MYLK: variants seen among roughly 807,000 people sequenced by gnomAD.
MYLK encodes myosin light chain kinase, smooth muscle.
In MYLK, 106 loss-of-function variants were observed where a neutral mutation model predicts 203.4. The ratio of observed to expected loss-of-function variants is 0.52; its 90% CI spans 0.45 to 0.61. The LOEUF (loss-of-function observed/expected upper bound fraction) is 0.61, where lower values mean the gene tolerates loss of function less well. Among genes scored for constraint, MYLK ranks in the 20% least tolerant of loss-of-function variants. The pLI is 0.00. For synonymous variants in MYLK, 867 were observed against 959.5 expected, an observed-to-expected ratio of 0.90 and a Z score of 1.78; for missense variants, 2,072 against 2,442.3, an observed-to-expected ratio of 0.85 and a Z score of 3.20.
intron 28 of MYLK, among the ~76,000 whole-genome samples, chr3:123,639,240 A>T (rs1264804459): frequency 6.6e-6 from 1 of 152,230 alleles, no homozygotes; most frequent in Non-Finnish European, 1.5e-5. Flanking sequence ...AGCAGAGCAG[A>T]GCAGGCACAT....
intron 33 of MYLK, among the ~76,000 whole-genome samples, chr3:123,614,669 C>T (rs2057369244): frequency 1.3e-5 from 2 of 152,280 alleles, no homozygotes; most frequent in African/African-American, 4.8e-5. Flanking sequence ...CACTCTGTTG[C>T]CTAGGCTGGA....
At chr3:123,739,846 G>C (rs55956729) in intron 6 of MYLK, 107 bp downstream of exon 6, 1 of 1,225,026 alleles carries the variant, frequency 8.2e-7, no homozygotes. Context: ...CCCGCCCTTT[G>C]GTTATTATAA....
At chr3:123,830,366 G>A (rs372734256) in intron 3 of MYLK, among the ~76,000 whole-genome samples, 3 of 152,184 alleles carry the variant, frequency 2.0e-5, no homozygotes, top group Non-Finnish European at 4.4e-5. Flanking sequence ...AGCCATATTA[G>A]AGTCCAACCT....
chr3:123,705,968 G>A (rs1263624239), intron 16 of MYLK, among the ~76,000 whole-genome samples: 3 of 152,142 alleles, frequency 2.0e-5, no homozygotes, highest in Non-Finnish European at 4.4e-5. Flanking sequence ...GGGGGTAAGC[G>A]TGTACCTTCT....
At chr3:123,719,735 A>C (rs1299626622) in intron 13 of MYLK, among the ~76,000 whole-genome samples, 1 of 152,188 alleles carries the variant, frequency 6.6e-6, no homozygotes, top group Non-Finnish European at 1.5e-5. Flanking sequence ...CTGGTGCCAC[A>C]CTAAGGGCAA....
At chr3:123,667,075 TA>T in intron 21 of MYLK, 61 bp downstream of exon 21, 1 of 1,518,712 alleles carries the variant, frequency 6.6e-7, no homozygotes, top group Non-Finnish European at 9.1e-7. Flanking sequence ...TCTAGCAAGG[TA>T]AAGGCAAAAC....
In MYLK at chr3:123,672,782, C is replaced by T. The variant is rs113715373; in HGVS notation, c.3653-5595G>A. ...TTCCTATCAGTAAAAACAATTTAAG[C>T]GTTAACAATGTTTTATATCCTATTC... On this transcript the variant is annotated intron_variant, in intron 20 of 33. Coordinates refer to ENST00000360304, the MANE Select transcript of MYLK (RefSeq NM_053025.4). 6.5e-3 allele frequency among the ~76,000 whole-genome samples: 983 copies of T among 152,286 alleles called. 9 individuals carry two copies. The highest frequency in any genetic ancestry group is 0.022 in the African/African-American group (923 of 41,538).
chr3:123,739,320 G>A (rs1489064948), intron 6 of MYLK, among the ~76,000 whole-genome samples: 1 of 152,222 alleles, frequency 6.6e-6, no homozygotes, highest in East Asian at 1.9e-4. Flanking sequence ...GAATTCCACT[G>A]AGCCCTGGCT....
At chr3:123,695,726 G>T (rs2060895808) in intron 18 of MYLK, among the ~76,000 whole-genome samples, 1 of 152,164 alleles carries the variant, frequency 6.6e-6, no homozygotes, top group Admixed American at 6.5e-5. Flanking sequence ...AATTAAAAAT[G>T]AATTACCTAT....
intron 31 of MYLK, chr3:123,625,177 AC>A (rs1169602471): frequency 2.0e-5 from 3 of 151,662 alleles, no homozygotes; most frequent in Non-Finnish European, 4.4e-5. Context: ...CCTAATTCAA[AC>A]TCCTGCACCT....
At chr3:123,617,537 T>C (rs2057573132) in intron 33 of MYLK, 1 of 152,258 alleles carries the variant, frequency 6.6e-6, no homozygotes, top group African/African-American at 2.4e-5. Context: ...TTTTTTCCAT[T>C]CCTAACTTTG....
chr3:123,673,853 G>A (rs1218372434), intron 20 of MYLK, among the ~76,000 whole-genome samples: 2 of 152,164 alleles, frequency 1.3e-5, no homozygotes, highest in South Asian at 2.1e-4. Context: ...GCTGGCCATG[G>A]GACAGGCAGG....
rs1451217987 is a variant in MYLK, at chr3:123,876,564, T to C, written c.-132A>G. On this transcript the variant is annotated 5_prime_UTR_variant, in exon 2 of 34. Transcript: ENST00000360304. ...ATCTTTTATCATGCTATTACCTTTA[T>C]TTTTTCTCTTCAGCTGGCCCGAATT... 1 of 152,206 alleles carries C rather than the reference T, an allele frequency of 6.6e-6. No homozygotes were observed. Among genetic ancestry groups the C allele is most frequent in the Non-Finnish European group, 1.5e-5 (1 of 68,046 alleles). The allele number at this position is 152,206 out of a possible 1,614,324, so 9.4% of individuals were successfully genotyped here. A position where few individuals can be genotyped will look rare whatever the true frequency, so the allele number is the denominator to read the frequency against.
Position 123,613,677 on chromosome 3 carries a change from CAG to C in MYLK, c.*426_*427del, listed in dbSNP as rs1418984596. 1 of 219,824 alleles carries C rather than the reference CAG, an allele frequency of 4.5e-6. No individual in the cohort carries two copies. Among genetic ancestry groups the C allele is most frequent in the Non-Finnish European group, 9.1e-6 (1 of 110,006 alleles). 13.6% of individuals were successfully genotyped at this position (219,824 alleles called of 1,614,324 possible). A position where few individuals can be genotyped will look rare whatever the true frequency, so the allele number is the denominator to read the frequency against. On this transcript the variant is annotated 3_prime_UTR_variant, in exon 34 of 34. Transcript: ENST00000360304. ...GGGAGAAAACCCAGTTCTCTAGAGT[CAG>C]GGGGTGGGGAGAGAGAGGCCTCCCA... is the stretch of plus-strand genomic sequence containing the variant.
intron 20 of MYLK, among the ~76,000 whole-genome samples, chr3:123,673,342 G>T (rs1196417540): frequency 6.6e-6 from 1 of 151,756 alleles, no homozygotes; most frequent in Non-Finnish European, 1.5e-5. Flanking sequence ...TCAAACTCCT[G>T]AGCTCAAGTG....
chr3:123,806,058 T>C lies in MYLK; in HGVS notation c.-3-12214A>G, dbSNP rs79564275. On this transcript the variant is annotated intron_variant, in intron 3 of 33. Coordinates refer to ENST00000360304, the MANE Select transcript of MYLK (RefSeq NM_053025.4). Reference sequence around the variant, plus strand: ...ACATTGCCCTATATATCACAAGGAATAGATTATTAATTCATGCTTTTATTT... The same window carrying C: ...ACATTGCCCTATATATCACAAGGAACAGATTATTAATTCATGCTTTTATTT... Among the ~76,000 whole-genome samples the C allele has an allele frequency of 6.7e-3, 1,008 of 149,404 alleles. 17 individuals are homozygous for C. Among genetic ancestry groups the C allele is most frequent in the African/African-American group, 0.024 (977 of 41,334 alleles).
intron 13 of MYLK, among the ~76,000 whole-genome samples, chr3:123,713,728 A>C (rs1205193437): frequency 6.6e-6 from 1 of 152,112 alleles, no homozygotes; most frequent in Non-Finnish European, 1.5e-5. Context: ...CTTAAGTAAA[A>C]TACGAAAGGA....
chr3:123,837,953 A>G (rs1399413633), intron 2 of MYLK, among the ~76,000 whole-genome samples: 2 of 152,240 alleles, frequency 1.3e-5, no homozygotes, highest in Admixed American at 1.3e-4. Flanking sequence ...TCTAATATGC[A>G]TATAATTGGA....
rs142714233 is a variant in MYLK, at chr3:123,692,323, C to T, written c.3565+412G>A. On this transcript the variant is annotated intron_variant, in intron 19 of 33. Transcript: ENST00000360304. ...TCCCACACGGACCTCGCTCTGCTCC[C>T]TCCTCCTCACGGCTGACCCTGCTGG... is the stretch of plus-strand genomic sequence containing the variant. 3.8e-4 allele frequency: 446 copies of T among 1,161,754 alleles called. 3 individuals are homozygous for T. In the African/African-American group the frequency reaches 6.4e-3, roughly 17 times the overall value. 72.0% of individuals were successfully genotyped at this position (1,161,754 alleles called of 1,614,324 possible).
Sources: gnomAD v4.1 joint callset for allele counts (sites outside exome capture counted in the v4.1 genomes callset) on GRCh38, gnomAD v4.1.1 for gene constraint, MANE v1.5 for transcripts, NCBI Gene and HGNC (gene_info 2026-07-23, HGNC 2026-07-21) for gene names.